The following VPS13D variants were observed in gnomAD, a reference collection of about 807,000 sequenced individuals.
VPS13D encodes intermembrane lipid transfer protein VPS13D.
Under a neutral mutation model 461.9 loss-of-function variants are expected in VPS13D, and 187 were observed. The observed-to-expected ratio is 0.40, with a 90% CI of 0.36 to 0.46. The LOEUF is 0.46. Ranked by LOEUF, VPS13D falls within the 20% of genes least tolerant of loss-of-function variation. The pLI is 0.60. For missense variants in VPS13D, 4,711 were observed against 5,364.9 expected (o/e 0.88, Z 3.81); for synonymous variants, 1,951 against 1,986.3 (o/e 0.98, Z 0.47).
intron 38 of VPS13D, among the ~76,000 whole-genome samples, chr1:12,334,637 T>C (rs72866689): frequency 0.059 from 8,965 of 152,258 alleles, 411 homozygotes; most frequent in Admixed American, 0.13. Context: ...TAGTGGCGTG[T>C]GCCTGTAGTC....
At chr1:12,423,064 G>A (rs1023285183) in intron 65 of VPS13D, among the ~76,000 whole-genome samples, 1 of 152,164 alleles carries the variant, frequency 6.6e-6, no homozygotes, top group African/African-American at 2.4e-5. Flanking sequence ...TCATTCTCGT[G>A]TTAGGTTGGT....
At chr1:12,398,902 C>T (rs1304303619) in intron 60 of VPS13D, among the ~76,000 whole-genome samples, 1 of 152,134 alleles carries the variant, frequency 6.6e-6, no homozygotes, top group Non-Finnish European at 1.5e-5. Flanking sequence ...TCAGACAGAC[C>T]GAGATTCAAG....
chr1:12,458,012 T>C (rs1473790960), intron 66 of VPS13D, among the ~76,000 whole-genome samples: 2 of 152,218 alleles, frequency 1.3e-5, no homozygotes, highest in African/African-American at 4.8e-5. Context: ...CCTTGTGACG[T>C]GGAGAGAGCA....
chr1:12,295,392 G>T (rs920037456), intron 24 of VPS13D, among the ~76,000 whole-genome samples: 1 of 152,118 alleles, frequency 6.6e-6, no homozygotes, highest in Non-Finnish European at 1.5e-5. Context: ...GGCATTTGGA[G>T]AAAAGTCTCC....
intron 47 of VPS13D, 127 bp downstream of exon 47, chr1:12,354,348 C>A (rs1273127185): frequency 1.7e-6 from 2 of 1,208,900 alleles, no homozygotes; most frequent in Non-Finnish European, 2.3e-6. Context: ...TAAGCCAGCT[C>A]AAAGGAATCA....
intron 38 of VPS13D, among the ~76,000 whole-genome samples, chr1:12,334,357 C>G (rs1451479558): frequency 1.3e-5 from 2 of 151,718 alleles, no homozygotes; most frequent in East Asian, 1.9e-4. Flanking sequence ...CACAACATCT[C>G]TTACTCTAGA....
At chr1:12,261,539 A>T (rs959314517) in intron 12 of VPS13D, among the ~76,000 whole-genome samples, 1 of 152,230 alleles carries the variant, frequency 6.6e-6, no homozygotes, top group Non-Finnish European at 1.5e-5. Flanking sequence ...TCTTAATTGC[A>T]CTAGCACATT....
chr1:12,351,333 C>G (rs1467509791), intron 46 of VPS13D, among the ~76,000 whole-genome samples: 1 of 152,188 alleles, frequency 6.6e-6, no homozygotes, highest in Admixed American at 6.5e-5. Context: ...TCTTGTCACC[C>G]AGGCTGGAGT....
intron 65 of VPS13D, among the ~76,000 whole-genome samples, chr1:12,439,105 T>C (rs1645097900): frequency 6.6e-6 from 1 of 152,142 alleles, no homozygotes; most frequent in South Asian, 2.1e-4. Flanking sequence ...TGTCAAAACA[T>C]AACAGATTTG....
intron 7 of VPS13D, 136 bp from the exon 8 acceptor site, chr1:12,256,197 C>A: frequency 1.0e-6 from 1 of 985,466 alleles, no homozygotes; most frequent in Non-Finnish European, 1.5e-6. Context: ...AAAAACAAAA[C>A]AGACAAAAAT....
rs762983162 is a variant in VPS13D at position 12,403,943 on chromosome 1, C to T, written c.12000C>T (p.Phe4000=). ...TTCCTCAGATCAAGCTAAGTGTGTT[C>T]ACCTCCAACAAGCTCCCATTGGATC... ...ISIPQIKLSV[F]TSNKLPLDLK... The change falls in exon 63 of 70, where the codon TTC becomes TTT. Residue 4000 remains phenylalanine, a synonymous_variant. Transcript: ENST00000620676. The T allele has an allele frequency of 4.4e-6, 7 of 1,606,532 alleles. No individual in the cohort carries two copies. Among genetic ancestry groups the T allele is most frequent in the African/African-American group, 2.7e-5 (2 of 74,498 alleles).
Position 12,249,296 on chromosome 1 carries a change from T to C in VPS13D, c.521T>C (p.Ile174Thr). ...CCCTCCCATCCTTTTGCTTTTGGCA[T>C]CTGCATTAAGAATGTGTCCATGCAA... The part of the protein sequence containing the change: ...TNPSHPFAFG[I>T]CIKNVSMQNA... Residue 174 changes from isoleucine to threonine, a missense_variant, in exon 6 of 70, where the codon ATC (isoleucine) becomes ACC (threonine). Ile to Thr is a moderately conservative substitution (Grantham distance 89, BLOSUM62 -1). Coordinates refer to ENST00000620676, the MANE Select transcript of VPS13D (RefSeq NM_015378.4). 1.2e-6 allele frequency: 2 copies of C among 1,614,104 alleles called. No homozygotes were observed. The highest frequency in any genetic ancestry group is 8.5e-7 in the Non-Finnish European group (1 of 1,180,002).
intron 37 of VPS13D, among the ~76,000 whole-genome samples, chr1:12,332,687 T>G (rs1442522396): frequency 6.6e-6 from 1 of 152,190 alleles, no homozygotes; most frequent in East Asian, 1.9e-4. Context: ...ACTTGTAATT[T>G]TCTATTTCTT....
intron 46 of VPS13D, among the ~76,000 whole-genome samples, chr1:12,350,275 G>T (rs530815046): frequency 4.6e-5 from 7 of 152,062 alleles, no homozygotes; most frequent in African/African-American, 1.7e-4. Flanking sequence ...CATCTGCTGG[G>T]CCATAAAACA....
At chr1:12,275,685 ATAT>A (rs1180611206) in intron 18 of VPS13D, 137 bp from the exon 19 acceptor site, 2 of 777,938 alleles carry the variant, frequency 2.6e-6, no homozygotes, top group Admixed American at 7.1e-5. Context: ...GTAAACAAAG[ATAT>A]TATGCTTAAG....
At chr1:12,411,652 A>G (rs1377112274) in intron 63 of VPS13D, among the ~76,000 whole-genome samples, 1 of 152,166 alleles carries the variant, frequency 6.6e-6, no homozygotes, top group Non-Finnish European at 1.5e-5. Context: ...CCACCATCTT[A>G]TTTGTTTACA....
Position 12,304,512 on chromosome 1 carries a change from G to A in VPS13D, c.6223G>A (p.Val2075Met). ...TTATTTTGTTCCTTCCCAGGAATCT[G>A]TGCCTTCAGCTTCCCCAACGGGTAT... Reference protein sequence around the residue: ...GTFSLQDKESVPSASPTGIPK... With the variant: ...GTFSLQDKESMPSASPTGIPK... The change falls in exon 26 of 70, where the codon GTG becomes ATG. Residue 2075 changes from valine to methionine, a missense_variant. Physicochemically the swap from Val to Met is conservative, Grantham distance 21 (BLOSUM62 1). Coordinates refer to ENST00000620676, the MANE Select transcript of VPS13D (RefSeq NM_015378.4). 1 of 1,613,246 alleles carries A rather than the reference G, an allele frequency of 6.2e-7. No homozygotes were observed. Among genetic ancestry groups the A allele is most frequent in the Non-Finnish European group, 8.5e-7 (1 of 1,179,628 alleles).
intron 21 of VPS13D, among the ~76,000 whole-genome samples, chr1:12,285,985 T>TCCTCTCCTC: frequency 1.7e-5 from 1 of 58,850 alleles, no homozygotes; most frequent in East Asian, 6.2e-4. Context: ...TTCCTTTCCT[T>TCCTCTCCTC]TCCTTTCCTC....
chr1:12,234,152 C>G, intron 1 of VPS13D, 39 bp from the exon 2 acceptor site: 1 of 751,446 alleles, frequency 1.3e-6, no homozygotes, highest in Non-Finnish European at 2.2e-6. Context: ...AGAAAATCAT[C>G]CTGTTTTTAT....
Sources: allele counts gnomAD v4.1 joint callset (sites outside exome capture counted in the v4.1 genomes callset), GRCh38; gene constraint gnomAD v4.1.1; transcripts MANE v1.5; gene names NCBI Gene and HGNC (gene_info 2026-07-23, HGNC 2026-07-21).